CCDC102B: variants seen among roughly 807,000 people sequenced by gnomAD.
The protein encoded by CCDC102B is coiled-coil domain-containing protein 102B.
A neutral mutation model predicts 57.4 loss-of-function variants in CCDC102B; 75 were observed. That is an observed-to-expected ratio of 1.31 (90% CI 1.08 to 1.58). The LOEUF (loss-of-function observed/expected upper bound fraction) is 1.58. Among genes scored for constraint, CCDC102B ranks in the 40% most tolerant of loss-of-function variants. CCDC102B has a pLI of 0.00. For synonymous variants in CCDC102B, 206 were observed against 201.9 expected, an observed-to-expected ratio of 1.02 and a Z score of -0.17; for missense variants, 636 against 582.6, an observed-to-expected ratio of 1.09 and a Z score of -0.94.
intron 2 of CCDC102B, among the ~76,000 whole-genome samples, chr18:68,786,737 TG>T (rs1262961059): frequency 1.4e-5 from 2 of 147,110 alleles, no homozygotes; most frequent in Non-Finnish European, 3.0e-5. Context: ...GCTGAGACAA[TG>T]GGGTTTTCTA....
intron 3 of CCDC102B, 78 bp from the exon 4 acceptor site, chr18:68,846,214 TATCAAAAATTAGGAAAATGCC>T: frequency 1.7e-6 from 1 of 603,138 alleles, no homozygotes; most frequent in Non-Finnish European, 2.6e-6. Context: ...CAGTTACAAA[TATCAAAAATTAGGAAAATGCC>T]TATAAAATTG....
At chr18:68,958,195 G>T (rs1306746788) in intron 6 of CCDC102B, among the ~76,000 whole-genome samples, 2 of 152,196 alleles carry the variant, frequency 1.3e-5, no homozygotes, top group East Asian at 3.9e-4. Flanking sequence ...ACCTCCTACT[G>T]GGTCTCTCCC....
At chr18:68,970,062 G>C (rs2050262501) in intron 6 of CCDC102B, among the ~76,000 whole-genome samples, 1 of 151,912 alleles carries the variant, frequency 6.6e-6, no homozygotes, top group African/African-American at 2.4e-5. Context: ...TTGAGAATAA[G>C]AAATTTAGGT....
chr18:68,803,700 A>G (rs2035933489), intron 1 of CCDC102B, among the ~76,000 whole-genome samples: 2 of 149,776 alleles, frequency 1.3e-5, no homozygotes, highest in Admixed American at 1.3e-4. Flanking sequence ...GGTGGTGCAA[A>G]AGTAATTGCA....
intron 5 of CCDC102B, among the ~76,000 whole-genome samples, chr18:68,890,535 A>G (rs2040037324): frequency 6.6e-6 from 1 of 152,202 alleles, no homozygotes; most frequent in Non-Finnish European, 1.5e-5. Flanking sequence ...TTGAGTGATA[A>G]TGGTTGATGT....
chr18:69,055,430 C>T (rs2052800156), downstream of CCDC102B, among the ~76,000 whole-genome samples: 1 of 152,014 alleles, frequency 6.6e-6, no homozygotes, highest in South Asian at 2.1e-4. Context: ...CTTAACACTC[C>T]TCCTGTGAAC....
chr18:68,747,578 T>C (rs190059723), intron 2 of CCDC102B, among the ~76,000 whole-genome samples: 7 of 152,240 alleles, frequency 4.6e-5, no homozygotes, highest in Admixed American at 4.6e-4. Context: ...TTCTATGAGT[T>C]TGGCTATTAT....
intron 5 of CCDC102B, among the ~76,000 whole-genome samples, chr18:68,888,482 A>G (rs550677699): frequency 1.3e-5 from 2 of 152,276 alleles, no homozygotes; most frequent in East Asian, 3.9e-4. Context: ...TTCTCCCGCT[A>G]TTGACATGTT....
intron 7 of CCDC102B, among the ~76,000 whole-genome samples, chr18:69,024,825 C>G (rs2051940674): frequency 6.6e-6 from 1 of 151,898 alleles, no homozygotes; most frequent in South Asian, 2.1e-4. Context: ...CCCACCATCA[C>G]TAACTGATAA....
intron 7 of CCDC102B, among the ~76,000 whole-genome samples, chr18:69,021,383 C>CATCT (rs2051828528): frequency 6.6e-6 from 1 of 152,070 alleles, no homozygotes; most frequent in Admixed American, 6.6e-5. Context: ...AGAAAGAAGC[C>CATCT]ATCTGCAGGT....
intron 6 of CCDC102B, among the ~76,000 whole-genome samples, chr18:68,906,396 G>A (rs367694934): frequency 1.3e-5 from 2 of 152,146 alleles, no homozygotes; most frequent in East Asian, 1.9e-4. Context: ...TGGAGGAATC[G>A]CCAAATTGTA....
chr18:68,929,897 C>T (rs1353680142), intron 6 of CCDC102B, among the ~76,000 whole-genome samples: 1 of 151,724 alleles, frequency 6.6e-6, no homozygotes. Flanking sequence ...CCAACTCTAT[C>T]CTATGTTTAA....
chr18:68,758,230 G>A (rs1211917898), intron 2 of CCDC102B, among the ~76,000 whole-genome samples: 1 of 151,300 alleles, frequency 6.6e-6, no homozygotes, highest in African/African-American at 2.4e-5. Context: ...TATTACATAT[G>A]TATATATGTG....
intron 4 of CCDC102B, among the ~76,000 whole-genome samples, chr18:68,859,371 C>T (rs1028824684): frequency 2.9e-5 from 1 of 34,802 alleles, no homozygotes; most frequent in African/African-American, 9.4e-5. Context: ...TAGGCATTAC[C>T]ATTCAGGACA....
chr18:68,773,683 C>T (rs892722901), intron 2 of CCDC102B, among the ~76,000 whole-genome samples: 1 of 151,826 alleles, frequency 6.6e-6, no homozygotes, highest in African/African-American at 2.4e-5. Context: ...TATTATATTA[C>T]TTATTGGCTA....
At chr18:68,814,599 T>A (rs530147743) in intron 1 of CCDC102B, among the ~76,000 whole-genome samples, 1 of 152,226 alleles carries the variant, frequency 6.6e-6, no homozygotes, top group East Asian at 1.9e-4. Flanking sequence ...TTTTCTCTAT[T>A]TAAACCTTTC....
At chr18:68,794,950 G>A (rs2035580032), upstream of CCDC102B, among the ~76,000 whole-genome samples, 1 of 149,918 alleles carries the variant, frequency 6.7e-6, no homozygotes. Context: ...GCCTTCACAT[G>A]AGAAAGCTGC....
intron 1 of CCDC102B, among the ~76,000 whole-genome samples, chr18:68,799,535 C>T (rs542734657): frequency 4.3e-4 from 66 of 152,154 alleles, no homozygotes; most frequent in African/African-American, 1.6e-3. Flanking sequence ...GCTCTCAGGT[C>T]GTCATATCTC....
chr18:69,054,323 A>T lies in CCDC102B; in HGVS notation c.*186A>T, dbSNP rs1176609311. ...TGCCTAACAGATACTGCATATTCTC[A>T]AAAAGACAATTTAAATGTCATTTAA... On this transcript the variant is annotated 3_prime_UTR_variant, in exon 8 of 8. Transcript: ENST00000360242. 2.4e-6 allele frequency: 3 copies of T among 1,248,164 alleles called. 1 individual carries two copies. Among genetic ancestry groups the T allele is most frequent in the African/African-American group, 1.6e-5 (1 of 63,892 alleles). The allele number at this position is 1,248,164 out of a possible 1,614,324, so 77.3% of individuals were successfully genotyped here. A position where few individuals can be genotyped will look rare whatever the true frequency, so the allele number is the denominator to read the frequency against.
Sources: gnomAD v4.1 joint callset for allele counts (sites outside exome capture counted in the v4.1 genomes callset) on GRCh38, gnomAD v4.1.1 for gene constraint, MANE v1.5 for transcripts, NCBI Gene and HGNC (gene_info 2026-07-23, HGNC 2026-07-21) for gene names.